Variants in PLA2R1 observed in about 807,000 individuals in gnomAD.
PLA2R1 encodes phospholipase A2 receptor 1, also known as secretory phospholipase A2 receptor.
PLA2R1 carries 158 observed loss-of-function variants against 195.9 expected under a neutral mutation model. The ratio of observed to expected loss-of-function variants is 0.81; its 90% confidence interval spans 0.71 to 0.92. PLA2R1 has a LOEUF of 0.92. Among genes scored for constraint, PLA2R1 ranks in the 40% least tolerant of loss-of-function variants. The pLI is 0.00. For missense variants in PLA2R1, 1,626 were observed against 1,764.6 expected, an observed-to-expected ratio of 0.92 and a Z score of 1.41; for synonymous variants, 586 against 598.2, an observed-to-expected ratio of 0.98 and a Z score of 0.30.
At position 159,971,451 on chromosome 2, in the gene PLA2R1, T is replaced by C. The variant is rs923126314; in HGVS notation, c.2596-1239A>G. ...GTATAAAATTAAAGCACTATGTGCATGCATGTGCACACGTGTGTGCGCGCA... is the reference window on the plus strand; with the variant it reads ...GTATAAAATTAAAGCACTATGTGCACGCATGTGCACACGTGTGTGCGCGCA... On this transcript the variant is annotated intron_variant, in intron 17 of 29. Transcript: ENST00000283243. 5.3e-5 allele frequency among the ~76,000 whole-genome samples: 8 copies of C among 152,148 alleles called. No individual in the cohort carries two copies. In the East Asian group the frequency reaches 9.6e-4, roughly 18 times the overall value.
chr2:159,950,497 GAGA>G (rs1198178246), intron 24 of PLA2R1, among the ~76,000 whole-genome samples: 1 of 152,204 alleles, frequency 6.6e-6, no homozygotes, highest in African/African-American at 2.4e-5. Context: ...GTGAAAAACT[GAGA>G]AGAACCCAAA....
chr2:159,937,714 C>T lies in PLA2R1; in HGVS notation c.*4064G>A, dbSNP rs1166669995. 2 of 152,198 alleles carry T rather than the reference C, an allele frequency of 1.3e-5. No homozygotes were observed. The highest frequency in any genetic ancestry group is 1.5e-5 in the Non-Finnish European group (1 of 68,042). 9.4% of individuals were successfully genotyped at this position (152,198 alleles called of 1,614,324 possible). On this transcript the variant is annotated 3_prime_UTR_variant, in exon 30 of 30. Coordinates refer to ENST00000283243, the MANE Select transcript of PLA2R1 (RefSeq NM_007366.5). ...GAGATAAATTTTCAAATGAAAGTAG[C>T]ACTCCAGCTGTTCCACTGTATAATA...
intron 24 of PLA2R1, among the ~76,000 whole-genome samples, chr2:159,950,601 T>TGTG (rs1687671861): frequency 2.0e-5 from 3 of 152,216 alleles, no homozygotes; most frequent in Admixed American, 1.3e-4. Flanking sequence ...TGTGCTGACA[T>TGTG]GTGAAGTTGT....
intron 1 of PLA2R1, among the ~76,000 whole-genome samples, chr2:160,048,036 T>C (rs1458230214): frequency 6.6e-6 from 1 of 152,118 alleles, no homozygotes; most frequent in Non-Finnish European, 1.5e-5. Context: ...TCTCAATATA[T>C]TGCCCAGGAT....
At chr2:160,045,899 A>G (rs1273856602) in intron 1 of PLA2R1, among the ~76,000 whole-genome samples, 3 of 152,186 alleles carry the variant, frequency 2.0e-5, no homozygotes, top group South Asian at 2.1e-4. Context: ...CAGAGGCCAC[A>G]TGGACAGGCG....
chr2:160,019,427 C>T (rs552550043), intron 8 of PLA2R1, among the ~76,000 whole-genome samples: 2 of 152,296 alleles, frequency 1.3e-5, no homozygotes, highest in Admixed American at 1.3e-4. Flanking sequence ...CTTAGCAACA[C>T]CTTCTGTTCT....
intron 23 of PLA2R1, among the ~76,000 whole-genome samples, chr2:159,953,596 C>G (rs1291552845): frequency 6.6e-6 from 1 of 152,228 alleles, no homozygotes; most frequent in Non-Finnish European, 1.5e-5. Flanking sequence ...GTAACCTTGA[C>G]TGAAGCTTAT....
At chr2:159,927,447 A>C (rs1445544796), downstream of PLA2R1, among the ~76,000 whole-genome samples, 1 of 152,174 alleles carries the variant, frequency 6.6e-6, no homozygotes, top group Non-Finnish European at 1.5e-5. Context: ...CTAGGGCCAT[A>C]GGGGGATATT....
intron 14 of PLA2R1, among the ~76,000 whole-genome samples, chr2:159,978,481 T>C (rs1298818292): frequency 6.6e-6 from 1 of 152,214 alleles, no homozygotes; most frequent in African/African-American, 2.4e-5. Context: ...CAGCAGATAT[T>C]AGTGAGAAGC....
chr2:159,970,025 G>C, intron 18 of PLA2R1, 123 bp downstream of exon 18: 3 of 620,628 alleles, frequency 4.8e-6, no homozygotes, highest in Non-Finnish European at 8.4e-6. Context: ...GGTTAGAGAA[G>C]TGAAAATTTA....
intron 1 of PLA2R1, among the ~76,000 whole-genome samples, chr2:160,055,967 C>G (rs906167445): frequency 1.3e-5 from 2 of 152,136 alleles, no homozygotes; most frequent in African/African-American, 2.4e-5. Flanking sequence ...CAGCTACCCC[C>G]CTTCCTCGCC....
At chr2:159,978,028 A>C (rs1266694986) in intron 14 of PLA2R1, among the ~76,000 whole-genome samples, 3 of 152,176 alleles carry the variant, frequency 2.0e-5, no homozygotes, top group Non-Finnish European at 4.4e-5. Context: ...GAATTTGCAC[A>C]TTTTTCTAAC....
At chr2:160,001,402 A>T (rs768851102) in intron 11 of PLA2R1, among the ~76,000 whole-genome samples, 1 of 152,040 alleles carries the variant, frequency 6.6e-6, no homozygotes, top group Non-Finnish European at 1.5e-5. Context: ...AGAAAACATG[A>T]CTAAAAAATG....
chr2:159,967,712 A>T (rs1486416691), intron 19 of PLA2R1, 34 bp from the exon 20 acceptor site: 1 of 1,592,876 alleles, frequency 6.3e-7, no homozygotes, highest in South Asian at 1.1e-5. Context: ...ATGGCTTAGG[A>T]ACAATGGCGA....
At chr2:159,978,984 T>C (rs1689760785) in intron 14 of PLA2R1, among the ~76,000 whole-genome samples, 1 of 152,160 alleles carries the variant, frequency 6.6e-6, no homozygotes, top group East Asian at 1.9e-4. Flanking sequence ...ACTTAATCAT[T>C]CTAATACCCA....
rs1203512473 is a variant in PLA2R1, at chr2:159,992,500, C to G, written c.1835-5142G>C. Among the ~76,000 whole-genome samples the G allele has an allele frequency of 2.7e-5, 4 of 147,468 alleles. No homozygotes were observed. The East Asian group carries it at 5.9e-4, about 22-fold the overall frequency. On this transcript the variant is annotated intron_variant, in intron 11 of 29. Transcript: ENST00000283243. ...TCAAGGAGAACTACAAACCACTGCT[C>G]AAGGAAATAAAAGAGGATACAAACA...
chr2:159,999,773 CAGAG>C (rs1235665560), intron 11 of PLA2R1, among the ~76,000 whole-genome samples: 2 of 152,070 alleles, frequency 1.3e-5, no homozygotes, highest in South Asian at 2.1e-4. Flanking sequence ...TTTAAAAACA[CAGAG>C]AGAGACATCT....
At chr2:159,965,301 C>T (rs571406431) in intron 20 of PLA2R1, among the ~76,000 whole-genome samples, 1 of 152,296 alleles carries the variant, frequency 6.6e-6, no homozygotes, top group South Asian at 2.1e-4. Context: ...TCCACAACTT[C>T]ATCCTTCCCT....
intron 10 of PLA2R1, among the ~76,000 whole-genome samples, chr2:160,011,089 C>T (rs745782563): frequency 1.2e-4 from 18 of 152,278 alleles, no homozygotes; most frequent in Admixed American, 2.6e-4. Flanking sequence ...ATACAGTTTA[C>T]CAGAGAAAAC....
Sources: gnomAD v4.1 joint callset for allele counts (sites outside exome capture counted in the v4.1 genomes callset) on GRCh38, gnomAD v4.1.1 for gene constraint, MANE v1.5 for transcripts, NCBI Gene and HGNC (gene_info 2026-07-23, HGNC 2026-07-21) for gene names.